Variants in F8 observed in about 807,000 individuals in gnomAD.
F8 encodes antihemophilic factor.
F8 carries 12 observed loss-of-function variants against 140.6 expected under a neutral mutation model. The observed-to-expected ratio is 0.09, with a 90% CI of 0.05 to 0.14. The LOEUF is 0.14. Ranked by LOEUF, F8 falls within the 10% of genes least tolerant of loss-of-function variation. The pLI, the probability that F8 is intolerant of heterozygous loss-of-function variation, is 1.00. For missense variants in F8, 1,354 were observed against 1,720.7 expected (o/e 0.79, Z 3.77); for synonymous variants, 585 against 614.6 (o/e 0.95, Z 0.71).
At chrX:154,849,122 C>T (rs782423643) in intron 25 of F8, among the ~76,000 whole-genome samples, 35 of 109,940 alleles carry the variant, frequency 3.2e-4, no homozygotes, top group African/African-American at 8.3e-4. Flanking sequence ...TACAGGTGTC[C>T]GCCACCACAC....
chrX:154,902,527 A>C (rs976114338), intron 18 of F8, among the ~76,000 whole-genome samples: 3 of 111,887 alleles, frequency 2.7e-5, no homozygotes, highest in Non-Finnish European at 5.6e-5. Flanking sequence ...AGTCAGGGTG[A>C]GTTCCCTCTG....
intron 1 of F8, among the ~76,000 whole-genome samples, chrX:155,004,378 G>A (rs1392251435): frequency 4.5e-5 from 5 of 112,240 alleles, no homozygotes; most frequent in Non-Finnish European, 9.4e-5. Context: ...CAAAGGATAC[G>A]CATTACAGAA....
At chrX:155,008,958 C>T (rs935590534) in intron 1 of F8, among the ~76,000 whole-genome samples, 2 of 111,747 alleles carry the variant, frequency 1.8e-5, no homozygotes, top group Admixed American at 9.4e-5. Flanking sequence ...CCCGGCAGCG[C>T]GCTTCTCCCT....
chrX:154,978,907 A>T, intron 6 of F8, among the ~76,000 whole-genome samples: 1 of 110,765 alleles, frequency 9.0e-6, no homozygotes, highest in Middle Eastern at 4.7e-3. Context: ...TTATTAGTGG[A>T]GGCTGTGGTG....
At chrX:154,987,383 C>T in intron 4 of F8, 78 bp from the exon 5 acceptor site, 1 of 866,098 alleles carries the variant, frequency 1.2e-6, no homozygotes, top group Non-Finnish European at 1.7e-6. Flanking sequence ...GGAGACAGTT[C>T]TTCATCAGTT....
At chrX:154,912,186 G>A (rs952176362) in intron 14 of F8, among the ~76,000 whole-genome samples, 20 of 111,622 alleles carry the variant, frequency 1.8e-4, no homozygotes, top group African/African-American at 4.9e-4. Context: ...TTTGTTGTGC[G>A]GAAGCTTTAT....
intron 14 of F8, among the ~76,000 whole-genome samples, chrX:154,906,892 G>A (rs181795812): frequency 8.9e-6 from 1 of 112,423 alleles, no homozygotes; most frequent in Admixed American, 9.4e-5. Flanking sequence ...CCATGGTCAA[G>A]CCCTTGGATC....
At chrX:154,946,273 T>A (rs1451678687) in intron 13 of F8, among the ~76,000 whole-genome samples, 1 of 112,054 alleles carries the variant, frequency 8.9e-6, no homozygotes, top group African/African-American at 3.2e-5. Flanking sequence ...AGCTAAATAA[T>A]CTGGAGCAAA....
chrX:154,956,294 G>A (rs1473507530), intron 11 of F8, among the ~76,000 whole-genome samples: 2 of 111,449 alleles, frequency 1.8e-5, no homozygotes, highest in Non-Finnish European at 3.8e-5. Flanking sequence ...ATCATCACAG[G>A]GTCTTGAGGC....
At chrX:154,903,797 T>C (rs1459944750) in intron 18 of F8, 109 bp downstream of exon 18, 2 of 640,466 alleles carry the variant, frequency 3.1e-6, no homozygotes, top group African/African-American at 2.2e-5. Flanking sequence ...CTTAAGAGCA[T>C]GGAGCTTGTC....
At chrX:154,901,519 G>A in intron 19 of F8, 77 bp from the exon 20 acceptor site, 1 of 677,810 alleles carries the variant, frequency 1.5e-6, no homozygotes, top group Non-Finnish European at 2.5e-6. Context: ...AATGAAAATG[G>A]GAGAACGTCA....
In F8 at chrX:154,962,893, C is replaced by CGAGAGA. The variant is rs141726799; in HGVS notation, c.1444-1731_1444-1726dup. On this transcript the variant is annotated intron_variant, in intron 9 of 25. Transcript: ENST00000360256. ...CAAGAGAGAGAGAGAGAGACAGAGA[C>CGAGAGA]GAGAGAGAGAGAGAGAGAGAGAGAG... 2.9e-3 allele frequency among the ~76,000 whole-genome samples: 280 copies of CGAGAGA among 95,901 alleles called. 2 individuals carry two copies. Among genetic ancestry groups the CGAGAGA allele is most frequent in the Middle Eastern group, 5.3e-3 (1 of 189 alleles). 83.3% of individuals were successfully genotyped at this position (95,901 alleles called of 115,157 possible).
intron 13 of F8, among the ~76,000 whole-genome samples, chrX:154,947,321 C>T (rs955714319): frequency 1.2e-4 from 13 of 108,002 alleles, no homozygotes; most frequent in African/African-American, 4.4e-4. Flanking sequence ...AAATGCAAAC[C>T]AAAAGCACAA....
rs984572217 is a variant in F8, at chrX:154,836,431, T to C, written c.*1166A>G. ...GGGCAAGAAGGGGGATCCTATTGTG[T>C]GGTGATATGGCAGACTGGAGTGTTT... On this transcript the variant is annotated 3_prime_UTR_variant, in exon 26 of 26. Coordinates refer to ENST00000360256, the MANE Select transcript of F8 (RefSeq NM_000132.4). 1.5e-4 allele frequency: 17 copies of C among 111,324 alleles called. No homozygotes were observed. Among genetic ancestry groups the C allele is most frequent in the African/African-American group, 5.6e-4 (17 of 30,548 alleles). The allele number at this position is 111,324 out of a possible 1,213,427, so 9.2% of individuals were successfully genotyped here.
intron 25 of F8, among the ~76,000 whole-genome samples, chrX:154,855,261 C>T (rs2072643674): frequency 2.7e-5 from 3 of 111,878 alleles, no homozygotes; most frequent in African/African-American, 9.8e-5. Flanking sequence ...TAGTCGGTTG[C>T]TCCTAATGTT....
In F8 at chrX:155,005,214, T is replaced by C. The variant is rs782341459; in HGVS notation, c.144-5614A>G. Among the ~76,000 whole-genome samples the C allele has an allele frequency of 2.7e-5, 3 of 111,812 alleles. No homozygotes were observed. The East Asian group carries it at 8.4e-4, about 31-fold the overall frequency. Reference sequence around the variant, plus strand: ...CAAGAGGTAAGGAAAAGAGTCACTATCCTGGCAAGCGTAACCGATCCTGAT... The same window carrying C: ...CAAGAGGTAAGGAAAAGAGTCACTACCCTGGCAAGCGTAACCGATCCTGAT... On this transcript the variant is annotated intron_variant, in intron 1 of 25. Coordinates refer to ENST00000360256, the MANE Select transcript of F8 (RefSeq NM_000132.4).
rs1032518775 is a variant in F8, at chrX:154,963,551, C to T, written c.1444-2383G>A. 2.7e-5 allele frequency among the ~76,000 whole-genome samples: 3 copies of T among 111,667 alleles called. No individual in the cohort carries two copies. In the Middle Eastern group the frequency reaches 0.014, roughly 512 times the overall value. ...CTTTATAGCAGCATGATTTATATTC[C>T]TTTGGGTATATACCTAGTAATGGGA... On this transcript the variant is annotated intron_variant, in intron 9 of 25. Coordinates refer to ENST00000360256, the MANE Select transcript of F8 (RefSeq NM_000132.4).
intron 4 of F8, among the ~76,000 whole-genome samples, chrX:154,991,498 A>C (rs2073588224): frequency 1.8e-5 from 2 of 112,313 alleles, no homozygotes; most frequent in Admixed American, 1.9e-4. Flanking sequence ...TTCAATGGGA[A>C]ATAAAGGGTG....
At chrX:154,920,144 T>C in intron 14 of F8, 1 of 137,875 alleles carries the variant, frequency 7.3e-6, no homozygotes. Flanking sequence ...CTGAAAGATA[T>C]TCTATATCAG....
Sources: gnomAD v4.1 joint callset for allele counts (sites outside exome capture counted in the v4.1 genomes callset) on GRCh38, gnomAD v4.1.1 for gene constraint, MANE v1.5 for transcripts, NCBI Gene and HGNC (gene_info 2026-07-23, HGNC 2026-07-21) for gene names.